Variants in SRPK1 observed in about 807,000 individuals in gnomAD.
SRPK1 encodes SFRS protein kinase 1.
SRPK1 carries 52 observed loss-of-function variants against 89.5 expected under a neutral mutation model. The ratio of observed to expected loss-of-function variants is 0.58; its 90% CI spans 0.46 to 0.73. The LOEUF (loss-of-function observed/expected upper bound fraction) is 0.73, where lower values mean the gene tolerates loss of function less well. SRPK1 is among the 30% of genes least tolerant of loss of function. SRPK1 has a pLI of 0.00. For synonymous variants in SRPK1, 255 were observed against 270.2 expected (o/e 0.94, Z 0.55); for missense variants, 603 against 780.6 (o/e 0.77, Z 2.71).
intron 13 of SRPK1, 130 bp from the exon 14 acceptor site, chr6:35,842,734 A>C (rs528333944): frequency 5.2e-5 from 27 of 516,468 alleles, no homozygotes; most frequent in Admixed American, 4.0e-4. Flanking sequence ...TTTAAAAAAA[A>C]AAAAAAACAA....
intron 6 of SRPK1, among the ~76,000 whole-genome samples, chr6:35,877,041 G>C (rs75476116): frequency 0.013 from 2,014 of 152,322 alleles, 42 homozygotes; most frequent in African/African-American, 0.046. Flanking sequence ...TGTGTGTGAG[G>C]AAACTAGCAG....
intron 2 of SRPK1, among the ~76,000 whole-genome samples, chr6:35,906,369 C>A (rs566141478): frequency 6.6e-6 from 1 of 152,066 alleles, no homozygotes; most frequent in African/African-American, 2.4e-5. Context: ...GGATTACAGG[C>A]GTGCACCATC....
intron 2 of SRPK1, among the ~76,000 whole-genome samples, chr6:35,915,141 C>T (rs1221441665): frequency 6.6e-6 from 1 of 152,106 alleles, no homozygotes; most frequent in Non-Finnish European, 1.5e-5. Flanking sequence ...TGGCGGCTTA[C>T]ATCTGTAATC....
intron 2 of SRPK1, among the ~76,000 whole-genome samples, chr6:35,893,904 G>A (rs1180594109): frequency 2.6e-5 from 4 of 152,062 alleles, no homozygotes; most frequent in East Asian, 1.9e-4. Context: ...GCAGCTACTC[G>A]GGAGGCTGAG....
intron 2 of SRPK1, among the ~76,000 whole-genome samples, chr6:35,919,266 G>C (rs961078147): frequency 2.0e-5 from 3 of 152,300 alleles, no homozygotes; most frequent in Admixed American, 6.5e-5. Context: ...AAGAGAAAAT[G>C]GAGCAAGAGG....
At position 35,838,424 on chromosome 6, in the gene SRPK1, T is replaced by C; in HGVS notation, c.1696A>G (p.Ile566Val). 1 of 1,581,300 alleles carries C rather than the reference T, an allele frequency of 6.3e-7. No homozygotes were observed. The highest frequency in any genetic ancestry group is 8.5e-7 in the Non-Finnish European group (1 of 1,171,012). Residue 566 changes from isoleucine to valine, a missense_variant, in exon 15 of 16, where the codon ATT (isoleucine) becomes GTT (valine). Transcript: ENST00000373825. ...CCCAGAAGTTCTATGATCAATGCAA[T>C]GTGATCTGTATATTTCAAACATTTC... ...GEEYTRDEDH[I>V]ALIIELLGKV...
chr6:35,844,725 C>T (rs555624494), intron 13 of SRPK1, among the ~76,000 whole-genome samples: 75 of 152,070 alleles, frequency 4.9e-4, no homozygotes, highest in African/African-American at 1.7e-3. Context: ...TGAGTTGTTC[C>T]GAGGTTTATA....
At chr6:35,880,857 G>C (rs1368658815) in intron 6 of SRPK1, among the ~76,000 whole-genome samples, 3 of 147,210 alleles carry the variant, frequency 2.0e-5, no homozygotes, top group South Asian at 4.3e-4. Context: ...AGCTCAATGA[G>C]CATCAAGCAA....
chr6:35,842,709 A>G, intron 13 of SRPK1, 105 bp from the exon 14 acceptor site: 3 of 652,728 alleles, frequency 4.6e-6, no homozygotes, highest in Non-Finnish European at 4.7e-6. Flanking sequence ...TTCCCTTGGG[A>G]AAACTTATAG....
intron 13 of SRPK1, among the ~76,000 whole-genome samples, chr6:35,847,161 G>T (rs1769443065): frequency 6.6e-6 from 1 of 152,170 alleles, no homozygotes; most frequent in South Asian, 2.1e-4. Flanking sequence ...CAATTAAAAG[G>T]CAGCCAAACA....
At chr6:35,842,726 T>TA (rs1190520802) in intron 13 of SRPK1, 122 bp from the exon 14 acceptor site, 24,682 of 370,846 alleles carry the variant, frequency 0.067, 79 homozygotes, top group East Asian at 0.1. Context: ...ATAGATCATT[T>TA]AAAAAAAAAA....
chr6:35,893,717 T>G (rs1770569124), intron 2 of SRPK1, among the ~76,000 whole-genome samples: 1 of 152,144 alleles, frequency 6.6e-6, no homozygotes, highest in South Asian at 2.1e-4. Context: ...ATCACACAGG[T>G]AGCCTCCTAT....
At chr6:35,904,635 C>T (rs1770810919) in intron 2 of SRPK1, among the ~76,000 whole-genome samples, 1 of 151,666 alleles carries the variant, frequency 6.6e-6, no homozygotes, top group South Asian at 2.1e-4. Context: ...CCCGTCTCTA[C>T]TAAAAATACA....
intron 2 of SRPK1, among the ~76,000 whole-genome samples, chr6:35,897,454 T>C (rs572069482): frequency 4.6e-5 from 7 of 152,218 alleles, no homozygotes; most frequent in South Asian, 2.1e-4. Flanking sequence ...CTTTAGGAAG[T>C]AGACCTATGT....
chr6:35,905,544 T>C (rs1010102675), intron 2 of SRPK1, among the ~76,000 whole-genome samples: 1 of 152,174 alleles, frequency 6.6e-6, no homozygotes, highest in Admixed American at 6.5e-5. Flanking sequence ...AACACATGAA[T>C]CTGAGAAATT....
chr6:35,885,162 C>T (rs903722909), intron 6 of SRPK1, among the ~76,000 whole-genome samples: 1 of 151,640 alleles, frequency 6.6e-6, no homozygotes, highest in African/African-American at 2.4e-5. Flanking sequence ...CAATGACAAA[C>T]ATTACAAGAT....
chr6:35,867,551 C>T (rs1424674470), intron 12 of SRPK1, among the ~76,000 whole-genome samples: 1 of 152,174 alleles, frequency 6.6e-6, no homozygotes, highest in African/African-American at 2.4e-5. Flanking sequence ...TATGGTGGCT[C>T]ATGCCTGTAG....
intron 12 of SRPK1, among the ~76,000 whole-genome samples, chr6:35,863,424 T>A (rs1472150634): frequency 1.3e-5 from 2 of 150,904 alleles, no homozygotes; most frequent in Non-Finnish European, 2.9e-5. Context: ...ACCACCTCAT[T>A]TCTACCTGGG....
At position 35,839,719 on chromosome 6, in the gene SRPK1, C is replaced by T. The variant is rs554165681; in HGVS notation, c.1691-1290G>A. 6.2e-5 allele frequency among the ~76,000 whole-genome samples: 9 copies of T among 146,316 alleles called. No individual in the cohort carries two copies. The South Asian group carries it at 1.1e-3, about 18-fold the overall frequency. ...TTTTTGAGATGGAGTCTTGCTCTGT[C>T]GCCAGGCTGGAGTGCAATGGCATGA... On this transcript the variant is annotated intron_variant, in intron 14 of 15. Coordinates refer to ENST00000373825, the MANE Select transcript of SRPK1 (RefSeq NM_003137.5).
Sources: gnomAD v4.1 joint callset for allele counts (sites outside exome capture counted in the v4.1 genomes callset) on GRCh38, gnomAD v4.1.1 for gene constraint, MANE v1.5 for transcripts, NCBI Gene and HGNC (gene_info 2026-07-23, HGNC 2026-07-21) for gene names.